The following MYH16 variants were observed in gnomAD, a reference collection of about 807,000 sequenced individuals.
MYH16 encodes myosin heavy chain 16.
chr7:99,242,194 C>G (rs1791674926), intron 1 of MYH16, among the ~76,000 whole-genome samples: 1 of 152,144 alleles, frequency 6.6e-6, no homozygotes. Context: ...AATTGGGGTG[C>G]AGCATGGGGA....
chr7:99,264,443 G>A (rs1200551830), intron 15 of MYH16: 1 of 152,502 alleles, frequency 6.6e-6, no homozygotes, highest in Non-Finnish European at 1.5e-5. Flanking sequence ...TCCTTCTGAA[G>A]AGGCCACAGA....
chr7:99,307,403 C>A (rs1792697196), downstream of MYH16, among the ~76,000 whole-genome samples: 1 of 152,006 alleles, frequency 6.6e-6, no homozygotes, highest in East Asian at 1.9e-4. Context: ...TAATCAAGGA[C>A]AAAAAATATT....
At chr7:99,291,778 G>A (rs537519112) in intron 31 of MYH16, among the ~76,000 whole-genome samples, 4 of 152,182 alleles carry the variant, frequency 2.6e-5, no homozygotes, top group Admixed American at 2.6e-4. Context: ...GGCCAACATG[G>A]CAAAACCTGG....
chr7:99,292,865 T>G (rs1792408862), intron 32 of MYH16, among the ~76,000 whole-genome samples: 1 of 151,178 alleles, frequency 6.6e-6, no homozygotes. Context: ...GAGACTAAAG[T>G]GAGAGGATTG....
chr7:99,249,411 C>T (rs1453174832), intron 4 of MYH16, among the ~76,000 whole-genome samples: 1 of 151,318 alleles, frequency 6.6e-6, no homozygotes, highest in Non-Finnish European at 1.5e-5. Context: ...TGGTGGTGCA[C>T]ACCTGTAGTC....
At chr7:99,279,836 G>C (rs750371409) in intron 22 of MYH16, 99 bp downstream of exon 4, 6 of 370,918 alleles carry the variant, frequency 1.6e-5, no homozygotes, top group Non-Finnish European at 2.6e-5. Context: ...CCTGACCACT[G>C]ACCACATGGG....
At chr7:99,299,344 G>T (rs1409374535) in intron 36 of MYH16, 122 bp from the exon 18 acceptor site, 1 of 152,098 alleles carries the variant, frequency 6.6e-6, no homozygotes, top group Non-Finnish European at 1.5e-5. Context: ...TTAAGGGTTT[G>T]TTTAATTTCA....
At chr7:99,302,881 T>TA (rs1219533053) in intron 38 of MYH16, among the ~76,000 whole-genome samples, 184 bp from the exon 20 acceptor site, 150 of 105,332 alleles carry the variant, frequency 1.4e-3, no homozygotes, top group Non-Finnish European at 1.4e-3. Context: ...AGATCCTGCC[T>TA]AAAAAAAAAA....
At chr7:99,269,770 T>C (rs1278801159) in intron 18 of MYH16, among the ~76,000 whole-genome samples, 1 of 152,096 alleles carries the variant, frequency 6.6e-6, no homozygotes, top group Non-Finnish European at 1.5e-5. Flanking sequence ...TGTACTGCAG[T>C]GCTGCTGTGA....
At chr7:99,303,758 C>T (rs1407148852) in intron 39 of MYH16, among the ~76,000 whole-genome samples, 4 of 152,126 alleles carry the variant, frequency 2.6e-5, no homozygotes, top group Non-Finnish European at 4.4e-5. Context: ...GTCATGATCC[C>T]GCCACTGCAC....
downstream of MYH16, among the ~76,000 whole-genome samples, chr7:99,310,176 T>G (rs1342687041): frequency 3.3e-5 from 5 of 151,606 alleles, no homozygotes; most frequent in Non-Finnish European, 1.5e-5. Flanking sequence ...CACACAAAAG[T>G]GCAAAGGTGG....
chr7:99,244,648 A>G (rs1563101722), intron 2 of MYH16, among the ~76,000 whole-genome samples: 2 of 152,190 alleles, frequency 1.3e-5, no homozygotes, highest in African/African-American at 4.8e-5. Context: ...TTCAGGCCCC[A>G]GTAGTACCAT....
chr7:99,301,447 G>A (rs1430732572), intron 37 of MYH16, among the ~76,000 whole-genome samples, 154 bp from the exon 19 acceptor site: 1 of 152,146 alleles, frequency 6.6e-6, no homozygotes, highest in African/African-American at 2.4e-5. Context: ...CCAAGACCAG[G>A]TCTGTTCCTC....
At chr7:99,309,818 G>T (rs115962924), downstream of MYH16, among the ~76,000 whole-genome samples, 117 of 152,322 alleles carry the variant, frequency 7.7e-4, no homozygotes, top group African/African-American at 2.6e-3. Flanking sequence ...TGATGAGGCT[G>T]TGCCTCTGGG....
chr7:99,294,114 G>C, exon 33 of MYH16: 1 of 456,274 alleles, frequency 2.2e-6, no homozygotes, highest in South Asian at 1.6e-5. Flanking sequence ...AGAGACTCCA[G>C]GCAGAAGTTG....
chr7:99,283,492 C>T (rs555099466), intron 23 of MYH16, 73 bp from the exon 6 acceptor site: 21 of 448,830 alleles, frequency 4.7e-5, no homozygotes, highest in East Asian at 3.5e-4. Flanking sequence ...TCAGAAGCGA[C>T]GACTGAGGAT....
exon 21 of MYH16, chr7:99,277,670 G>A (rs1212551424): frequency 1.1e-5 from 5 of 456,772 alleles, no homozygotes; most frequent in Non-Finnish European, 1.8e-5. Flanking sequence ...AGACAGCCAC[G>A]CTCAGCCAGG....
chr7:99,287,530 T>C (rs986478230), intron 28 of MYH16, among the ~76,000 whole-genome samples: 4 of 117,916 alleles, frequency 3.4e-5, no homozygotes, highest in African/African-American at 1.5e-4. Flanking sequence ...TGAAACTTCT[T>C]CTCAAAAAAA....
exon 25 of MYH16, chr7:99,283,911 G>A (rs753230145): frequency 4.6e-5 from 21 of 456,494 alleles, no homozygotes; most frequent in Middle Eastern, 3.3e-4. Flanking sequence ...AAATCCGGGC[G>A]GAGGTGGAAA....
Sources: allele counts gnomAD v4.1 joint callset (sites outside exome capture counted in the v4.1 genomes callset), GRCh38; gene constraint gnomAD v4.1.1; transcripts MANE v1.5; gene names NCBI Gene and HGNC (gene_info 2026-07-23, HGNC 2026-07-21).